C4orf54: variants seen among roughly 807,000 people sequenced by gnomAD.
The protein encoded by C4orf54 is uncharacterized protein C4orf54.
A neutral mutation model predicts 80.1 loss-of-function variants in C4orf54; 67 were observed. The observed-to-expected ratio is 0.84, with a 90% CI of 0.69 to 1.03. C4orf54 has a LOEUF of 1.03. Ranked by LOEUF, C4orf54 falls within the 50% of genes least tolerant of loss-of-function variation. C4orf54 has a pLI of 0.00. For synonymous variants in C4orf54, 1,000 were observed against 917.0 expected (o/e 1.09, Z -1.64); for missense variants, 2,434 against 2,253.5 (o/e 1.08, Z -1.62).
intron 1 of C4orf54, among the ~76,000 whole-genome samples, chr4:99,655,943 C>T (rs1056790319): frequency 1.8e-4 from 28 of 152,134 alleles, no homozygotes; most frequent in African/African-American, 6.0e-4. Flanking sequence ...TTCTTTCCTC[C>T]GAATAGGCAT....
chr4:99,653,982 T>C lies in C4orf54; in HGVS notation c.667A>G (p.Arg223Gly). 1 of 1,536,186 alleles carries C rather than the reference T, an allele frequency of 6.5e-7. No individual in the cohort carries two copies. Among genetic ancestry groups the C allele is most frequent in the Non-Finnish European group, 8.7e-7 (1 of 1,146,906 alleles). The change falls in exon 2 of 3, where the codon AGG (arginine) becomes GGG (glycine). Residue 223 changes from arginine (R) to glycine (G), a missense_variant. Transcript: ENST00000511828. The part of the protein sequence containing the change: ...LTLGHCPGGQ[R>G]ASRSPKEKAQ... ...TTCTCCTTTGGGCTCCTAGAGGCCC[T>C]CTGACCCCCAGGGCAGTGCCCCAGG...
At position 99,653,583 on chromosome 4, in the gene C4orf54, T is replaced by A. The variant is rs1408193034; in HGVS notation, c.1066A>T (p.Ser356Cys). 6.5e-7 allele frequency: 1 copy of A among 1,536,102 alleles called. No homozygotes were observed. Among genetic ancestry groups the A allele is most frequent in the Non-Finnish European group, 8.7e-7 (1 of 1,146,872 alleles). ...CRDIIAKSQG[S>C]RDPPKVEEAH... ...TCTTCGACTTTGGGGGGGTCCCTGCTGCCCTGGGACTTGGCAATAATGTCC... is the reference window on the plus strand; with the variant it reads ...TCTTCGACTTTGGGGGGGTCCCTGCAGCCCTGGGACTTGGCAATAATGTCC... Residue 356 changes from serine to cysteine, a missense_variant, in exon 2 of 3, where the codon AGC becomes TGC. By Grantham distance (112) the Ser-to-Cys change is moderately radical. Coordinates refer to ENST00000511828, the MANE Select transcript of C4orf54 (RefSeq NM_001354435.2).
In C4orf54 at chr4:99,653,948, T is replaced by C; in HGVS notation, c.701A>G (p.Asp234Gly). 1 of 1,536,216 alleles carries C rather than the reference T, an allele frequency of 6.5e-7. No homozygotes were observed. Among genetic ancestry groups the C allele is most frequent in the Non-Finnish European group, 8.7e-7 (1 of 1,146,890 alleles). ...GCTTGGAGTCTTGCTGCTGGGTTCA[T>C]CTTGGGCTTTCTCCTTTGGGCTCCT... The part of the protein sequence containing the change: ...ASRSPKEKAQ[D>G]EPSSKTPSPQ... The change falls in exon 2 of 3, where the codon GAT (aspartate) becomes GGT (glycine). Residue 234 changes from aspartate (D) to glycine (G), a missense_variant. By Grantham distance (94) the Asp-to-Gly change is moderately conservative. Transcript: ENST00000511828.
intron 2 of C4orf54, among the ~76,000 whole-genome samples, chr4:99,645,681 A>T (rs545184507): frequency 6.6e-6 from 1 of 152,178 alleles, no homozygotes; most frequent in Non-Finnish European, 1.5e-5. Context: ...TCTAAAAAAA[A>T]ATTCTCACTA....
rs962629654 is a variant in C4orf54 at position 99,637,798 on chromosome 4, G to T, written c.*3435C>A. On this transcript the variant is annotated 3_prime_UTR_variant, in exon 3 of 3. Coordinates refer to ENST00000511828, the MANE Select transcript of C4orf54 (RefSeq NM_001354435.2). ...GCAAACCTACACCTTGTAAACTGTAGAATGAAACTCCTCAAGCACCACATA... is the reference window on the plus strand; with the variant it reads ...GCAAACCTACACCTTGTAAACTGTATAATGAAACTCCTCAAGCACCACATA... 6.6e-6 allele frequency: 1 copy of T among 152,096 alleles called. No homozygotes were observed. The highest frequency in any genetic ancestry group is 1.9e-4 in the East Asian group (1 of 5,190). 9.4% of individuals were successfully genotyped at this position (152,096 alleles called of 1,614,324 possible).
Position 99,652,863 on chromosome 4 carries a change from C to T in C4orf54, c.1786G>A (p.Ala596Thr), listed in dbSNP as rs1488493062. ...VPARLQTRCG[A>T]IRAKELVDYS... ...TCCACCAGCTCCTTCGCCCGGATGG[C>T]CCCGCACCTGGTTTGCAGGCGAGCA... Residue 596 changes from alanine (A) to threonine (T), a missense_variant, in exon 2 of 3, where the codon GCC becomes ACC. Transcript: ENST00000511828. The T allele has an allele frequency of 2.0e-6, 3 of 1,536,018 alleles. No homozygotes were observed. Among genetic ancestry groups the T allele is most frequent in the African/African-American group, 2.7e-5 (2 of 73,050 alleles).
Position 99,653,980 on chromosome 4 carries a change from C to T in C4orf54, c.669G>A (p.Arg223=). The T allele has an allele frequency of 6.5e-7, 1 of 1,536,108 alleles. No homozygotes were observed. The highest frequency in any genetic ancestry group is 2.0e-5 in the Admixed American group (1 of 51,006). The change falls in exon 2 of 3, where the codon AGG becomes AGA. Residue 223 remains arginine (R), a synonymous_variant. Transcript: ENST00000511828. ...LTLGHCPGGQ[R]ASRSPKEKAQ... Reference sequence around the variant, plus strand: ...CTTTCTCCTTTGGGCTCCTAGAGGCCCTCTGACCCCCAGGGCAGTGCCCCA... The same window carrying T: ...CTTTCTCCTTTGGGCTCCTAGAGGCTCTCTGACCCCCAGGGCAGTGCCCCA...
chr4:99,644,515 T>A (rs1726665895), intron 2 of C4orf54, among the ~76,000 whole-genome samples: 1 of 151,780 alleles, frequency 6.6e-6, no homozygotes, highest in Non-Finnish European at 1.5e-5. Context: ...GTGGGGAAAA[T>A]AGAAATAAAC....
rs1298148490 is a variant in C4orf54 at position 99,654,504 on chromosome 4, TG to T, written c.144del (p.Thr49GlnfsTer36). 26 of 703,784 alleles carry T rather than the reference TG, an allele frequency of 3.7e-5. No homozygotes were observed. The South Asian group carries it at 3.7e-4, about 10-fold the overall frequency. The allele number at this position is 703,784 out of a possible 1,614,324, so 43.6% of individuals were successfully genotyped here. A position where few individuals can be genotyped will look rare whatever the true frequency, so the allele number is the denominator to read the frequency against. On this transcript the variant is annotated frameshift_variant, in exon 2 of 3. Coordinates refer to ENST00000511828, the MANE Select transcript of C4orf54 (RefSeq NM_001354435.2). LOFTEE classifies it high-confidence loss of function. ...WTGQLSYRTL[A>X]TVSAGAAAPQ... ...GGGGCTGCTGCTCCGGCCGAGACTG[TG>T]GCCAGTGTTCTGTAGCTGAGCTGTC... is the stretch of plus-strand genomic sequence containing the variant.
Position 99,654,166 on chromosome 4 carries a change from C to G in C4orf54, c.483G>C (p.Val161=), listed in dbSNP as rs922506558. 5 of 1,536,076 alleles carry G rather than the reference C, an allele frequency of 3.3e-6. No homozygotes were observed. In the African/African-American group the frequency reaches 4.1e-5, roughly 13 times the overall value. ...CTTGAGCACTGCTCACCCCGTCCCCCACCTCCGCCTGTCTTGCTTTCGAAT... is the reference window on the plus strand; with the variant it reads ...CTTGAGCACTGCTCACCCCGTCCCCGACCTCCGCCTGTCTTGCTTTCGAAT... ...ELNSKARQAE[V]GDGVSSAQDS... is the part of the protein sequence containing the mutation. Residue 161 remains valine, a synonymous_variant, in exon 2 of 3, where the codon GTG becomes GTC. Transcript: ENST00000511828.
At chr4:99,643,146 G>C (rs983912830) in intron 2 of C4orf54, among the ~76,000 whole-genome samples, 2 of 152,156 alleles carry the variant, frequency 1.3e-5, no homozygotes, top group Non-Finnish European at 2.9e-5. Context: ...GGGATTCTGA[G>C]GCATTTATGA....
Position 99,649,549 on chromosome 4 carries a change from A to AGC in C4orf54, c.5098_5099dup (p.Pro1701LeufsTer51). On this transcript the variant is annotated frameshift_variant, in exon 2 of 3. Coordinates refer to ENST00000511828, the MANE Select transcript of C4orf54 (RefSeq NM_001354435.2). LOFTEE classifies it low-confidence loss of function (END_TRUNC). ...TTGGGGAGAGCTCACTTCCTCTTGG[A>AGC]GCGCGAGCAATTGGTGTGGGCTGCA... is the stretch of plus-strand genomic sequence containing the variant. 6.5e-7 allele frequency: 1 copy of AGC among 1,536,108 alleles called. No individual in the cohort carries two copies.
At chr4:99,655,608 G>A (rs749563809) in intron 1 of C4orf54, among the ~76,000 whole-genome samples, 7 of 152,272 alleles carry the variant, frequency 4.6e-5, no homozygotes, top group African/African-American at 9.6e-5. Context: ...CAAAATCCCC[G>A]TTCACTGGCT....
Position 99,650,452 on chromosome 4 carries a change from T to A in C4orf54, c.4197A>T (p.Thr1399=). The change falls in exon 2 of 3, where the codon ACA becomes ACT. Residue 1399 remains threonine, a synonymous_variant. Transcript: ENST00000511828. ...TTTTCTGGATGCTGCTGGCACTCAC[T>A]GTGAACACGTTCCGGTTGCTGGGGA... ...PPLPSNRNVF[T]VSASSIQKTG... 1 of 1,536,034 alleles carries A rather than the reference T, an allele frequency of 6.5e-7. No individual in the cohort carries two copies. The highest frequency in any genetic ancestry group is 2.4e-5 in the East Asian group (1 of 40,896).
At position 99,639,170 on chromosome 4, in the gene C4orf54, C is replaced by T. The variant is rs1000189030; in HGVS notation, c.*2063G>A. On this transcript the variant is annotated 3_prime_UTR_variant, in exon 3 of 3. Transcript: ENST00000511828. ...ATGGCCACTGGTTTTTCCTGAAAGT[C>T]GCATTTGGCTTTAAACCAGTCTTAA... The T allele has an allele frequency of 2.6e-5, 4 of 152,114 alleles. No individual in the cohort carries two copies. The highest frequency in any genetic ancestry group is 7.2e-5 in the African/African-American group (3 of 41,436). 9.4% of individuals were successfully genotyped at this position (152,114 alleles called of 1,614,324 possible). A position where few individuals can be genotyped will look rare whatever the true frequency, so the allele number is the denominator to read the frequency against.
intron 2 of C4orf54, among the ~76,000 whole-genome samples, chr4:99,645,410 TAAAAAAA>T (rs70958324): frequency 1.8e-5 from 1 of 55,920 alleles, no homozygotes; most frequent in Non-Finnish European, 3.3e-5. Flanking sequence ...AGGCTTACAG[TAAAAAAA>T]AAAAAAAAAA....
chr4:99,651,743 C>T lies in C4orf54; in HGVS notation c.2906G>A (p.Gly969Glu), dbSNP rs1726833181. The T allele has an allele frequency of 1.3e-6, 2 of 1,535,978 alleles. No homozygotes were observed. The highest frequency in any genetic ancestry group is 2.4e-5 in the South Asian group (2 of 84,058). ...APIGKLKLPKGGDWRADLGEI... is the reference protein window; with the variant it reads ...APIGKLKLPKEGDWRADLGEI... ...CCCGAGATCAGCCCGCCAGTCGCCT[C>T]CTTTGGGCAGCTTCAGCTTCCCTAT... The change falls in exon 2 of 3, where the codon GGA (glycine) becomes GAA (glutamate). Residue 969 changes from glycine to glutamate, a missense_variant. Gly to Glu is a moderately conservative substitution (Grantham distance 98). Coordinates refer to ENST00000511828, the MANE Select transcript of C4orf54 (RefSeq NM_001354435.2).
At chr4:99,656,423 G>A (rs941549503) in intron 1 of C4orf54, among the ~76,000 whole-genome samples, 3 of 152,000 alleles carry the variant, frequency 2.0e-5, no homozygotes, top group Non-Finnish European at 4.4e-5. Flanking sequence ...GGGACCACAG[G>A]AGCACCCCAC....
rs907603813 is a variant in C4orf54 at position 99,653,729 on chromosome 4, C to T, written c.920G>A (p.Ser307Asn). The change falls in exon 2 of 3, where the codon AGT (serine) becomes AAT (asparagine). Residue 307 changes from serine (S) to asparagine (N), a missense_variant. Physicochemically the swap from Ser to Asn is conservative, Grantham distance 46 (BLOSUM62 1). Coordinates refer to ENST00000511828, the MANE Select transcript of C4orf54 (RefSeq NM_001354435.2). ...GCAACCTTCACTTTCACCACTCTCA[C>T]TCTCGAAGCCTAAGGATGAAGAGGA... ...ATSSSSLGFESESGESEGCQA... is the reference protein window; with the variant it reads ...ATSSSSLGFENESGESEGCQA... 3.3e-6 allele frequency: 5 copies of T among 1,534,780 alleles called. No individual in the cohort carries two copies. In the Admixed American group the frequency reaches 7.9e-5, roughly 24 times the overall value.
Sources: allele counts gnomAD v4.1 joint callset (sites outside exome capture counted in the v4.1 genomes callset), GRCh38; gene constraint gnomAD v4.1.1; transcripts MANE v1.5; gene names NCBI Gene and HGNC (gene_info 2026-07-23, HGNC 2026-07-21).